The following STAG1 variants were observed in gnomAD, a reference collection of about 807,000 sequenced individuals.
STAG1 encodes STAG1 cohesin complex component, also known as cohesin subunit SA-1.
Under a neutral mutation model 170.9 loss-of-function variants are expected in STAG1, and 26 were observed. The ratio of observed to expected loss-of-function variants is 0.15; its 90% CI spans 0.11 to 0.21. The LOEUF is 0.21. Among genes scored for constraint, STAG1 ranks in the 10% least tolerant of loss-of-function variants. The probability of loss-of-function intolerance (pLI) is 1.00; values close to 1 mark genes in which losing one functional copy is unlikely to be tolerated. For missense variants in STAG1, 964 were observed against 1,509.5 expected (o/e 0.64, Z 5.99); for synonymous variants, 514 against 497.7 (o/e 1.03, Z -0.44).
At chr3:136,372,500 C>T (rs1937397906) in intron 23 of STAG1, among the ~76,000 whole-genome samples, 1 of 152,072 alleles carries the variant, frequency 6.6e-6, no homozygotes, top group Admixed American at 6.5e-5. Context: ...ATAGATAGCT[C>T]TTATTATTTT....
chr3:136,499,824 GTT>G (rs71662622), intron 9 of STAG1: 2 of 145,482 alleles, frequency 1.4e-5, no homozygotes, highest in Non-Finnish European at 3.0e-5. Context: ...CTTCACACAG[GTT>G]TTTTTTTTTT....
intron 1 of STAG1, among the ~76,000 whole-genome samples, chr3:136,676,696 G>A (rs975054443): frequency 2.6e-5 from 4 of 151,992 alleles, no homozygotes; most frequent in Admixed American, 2.6e-4. Context: ...CTGATTTTCC[G>A]AACTAAGCCT....
At chr3:136,423,252 ATTTG>A (rs939378550) in intron 16 of STAG1, among the ~76,000 whole-genome samples, 5 of 152,170 alleles carry the variant, frequency 3.3e-5, no homozygotes, top group Non-Finnish European at 5.9e-5. Flanking sequence ...GCGAATTACT[ATTTG>A]TTTATGTCAA....
intron 16 of STAG1, among the ~76,000 whole-genome samples, chr3:136,427,378 T>C (rs2088162785): frequency 1.3e-5 from 2 of 152,196 alleles, no homozygotes; most frequent in Non-Finnish European, 2.9e-5. Flanking sequence ...CCCATGACAC[T>C]AATCATCTTT....
intron 26 of STAG1, 66 bp downstream of exon 26, chr3:136,363,300 A>G (rs1419947312): frequency 9.7e-6 from 8 of 824,172 alleles, no homozygotes; most frequent in Non-Finnish European, 1.6e-5. Context: ...CCTAGCAAAT[A>G]TTAAGCACAG....
intron 7 of STAG1, among the ~76,000 whole-genome samples, chr3:136,507,818 C>G (rs949105611): frequency 2.6e-5 from 4 of 151,790 alleles, no homozygotes. Context: ...GTCAAGATAA[C>G]TCGATATTTG....
At chr3:136,405,471 G>A (rs2087454121) in intron 21 of STAG1, among the ~76,000 whole-genome samples, 1 of 151,226 alleles carries the variant, frequency 6.6e-6, no homozygotes, top group South Asian at 2.1e-4. Context: ...CAAACTCCTG[G>A]GCTCAAACGA....
chr3:136,427,822 A>T (rs145719837), intron 16 of STAG1, among the ~76,000 whole-genome samples: 24 of 152,326 alleles, frequency 1.6e-4, no homozygotes, highest in African/African-American at 5.5e-4. Flanking sequence ...ATATGATTTT[A>T]AAAAAGTGAA....
At chr3:136,557,260 T>C (rs1336723440) in intron 5 of STAG1, among the ~76,000 whole-genome samples, 1 of 152,020 alleles carries the variant, frequency 6.6e-6, no homozygotes, top group African/African-American at 2.4e-5. Flanking sequence ...GAAAAGAAAG[T>C]TAGCTTTCCA....
At chr3:136,476,793 A>C (rs1263108028) in intron 10 of STAG1, among the ~76,000 whole-genome samples, 5 of 152,154 alleles carry the variant, frequency 3.3e-5, no homozygotes, top group Non-Finnish European at 7.3e-5. Context: ...TGGTTATTCT[A>C]AGGATTACTT....
chr3:136,611,068 T>C (rs1296176869), intron 3 of STAG1, among the ~76,000 whole-genome samples: 2 of 152,192 alleles, frequency 1.3e-5, no homozygotes, highest in East Asian at 3.9e-4. Flanking sequence ...TGAAACATCT[T>C]GGGGATGGAA....
intron 6 of STAG1, among the ~76,000 whole-genome samples, chr3:136,534,393 A>C (rs1261497903): frequency 1.3e-5 from 2 of 152,176 alleles, no homozygotes; most frequent in Non-Finnish European, 1.5e-5. Flanking sequence ...AAAAACAAAC[A>C]AATAAAAAAG....
chr3:136,493,004 G>C (rs1321043635), intron 9 of STAG1, among the ~76,000 whole-genome samples: 1 of 152,126 alleles, frequency 6.6e-6, no homozygotes, highest in African/African-American at 2.4e-5. Context: ...AAGGGGAGTT[G>C]AGAAAGGAGG....
intron 9 of STAG1, 197 bp downstream of exon 9, chr3:136,500,026 G>A: frequency 2.1e-6 from 1 of 466,104 alleles, no homozygotes; most frequent in Non-Finnish European, 3.9e-6. Context: ...TCTGAATTTG[G>A]AAGAGTATAA....
At chr3:136,569,871 A>G (rs1440500802) in intron 4 of STAG1, among the ~76,000 whole-genome samples, 2 of 152,124 alleles carry the variant, frequency 1.3e-5, no homozygotes, top group Admixed American at 1.3e-4. Flanking sequence ...AACAAGTATC[A>G]TATTCTGAAT....
chr3:136,520,972 T>TAC (rs1259612849), intron 7 of STAG1, among the ~76,000 whole-genome samples: 2 of 152,120 alleles, frequency 1.3e-5, no homozygotes, highest in Non-Finnish European at 2.9e-5. Flanking sequence ...AATAAGGATG[T>TAC]ACATTAGTAA....
At chr3:136,391,621 C>T (rs190555684) in intron 22 of STAG1, among the ~76,000 whole-genome samples, 4 of 152,172 alleles carry the variant, frequency 2.6e-5, no homozygotes, top group South Asian at 2.1e-4. Flanking sequence ...GTGATCTGCC[C>T]GCCTCGGCCT....
rs778177989 is a variant in STAG1, at chr3:136,443,269, C to T, written c.1546+18G>A. On this transcript the variant is annotated intron_variant, in intron 15 of 33. Coordinates refer to ENST00000383202, the MANE Select transcript of STAG1 (RefSeq NM_005862.3). ...GGAAATACAAAATCATGTAAATTAA[C>T]TTGTCAAAATACTATACCTTCCTCT... 1 of 1,543,746 alleles carries T rather than the reference C, an allele frequency of 6.5e-7. No homozygotes were observed. The highest frequency in any genetic ancestry group is 8.9e-7 in the Non-Finnish European group (1 of 1,121,028).
intron 1 of STAG1, among the ~76,000 whole-genome samples, chr3:136,664,444 CA>C (rs1655476712): frequency 1.3e-5 from 2 of 152,090 alleles, no homozygotes; most frequent in Non-Finnish European, 2.9e-5. Flanking sequence ...ATTCCACTCC[CA>C]AAATAAGGCA....
Sources: allele counts gnomAD v4.1 joint callset (sites outside exome capture counted in the v4.1 genomes callset), GRCh38; gene constraint gnomAD v4.1.1; transcripts MANE v1.5; gene names NCBI Gene and HGNC (gene_info 2026-07-23, HGNC 2026-07-21).